RBFOX1: variants seen among roughly 807,000 people sequenced by gnomAD.
RBFOX1 encodes the protein RNA binding protein fox-1 homolog 1.
RBFOX1 carries 8 observed loss-of-function variants against 57.7 expected under a neutral mutation model. The observed-to-expected ratio is 0.14, with a 90% confidence interval of 0.08 to 0.25. The LOEUF is 0.25. RBFOX1 is among the 10% of genes least tolerant of loss of function. RBFOX1 has a pLI of 1.00. For synonymous variants in RBFOX1, 326 were observed against 222.4 expected, an observed-to-expected ratio of 1.47 and a Z score of -4.15; for missense variants, 611 against 548.5, an observed-to-expected ratio of 1.11 and a Z score of -1.14.
At chr16:6,771,616 C>G (rs896120610) in intron 3 of RBFOX1, among the ~76,000 whole-genome samples, 5 of 152,196 alleles carry the variant, frequency 3.3e-5, no homozygotes, top group Non-Finnish European at 5.9e-5. Context: ...CTCAGCAGTT[C>G]TCAACTGTGG....
chr16:6,665,175 T>G (rs1001805738), intron 3 of RBFOX1, among the ~76,000 whole-genome samples: 3 of 152,184 alleles, frequency 2.0e-5, no homozygotes, highest in African/African-American at 7.2e-5. Context: ...AAAAGGCGCT[T>G]CTTTTTCAGT....
intron 3 of RBFOX1, among the ~76,000 whole-genome samples, chr16:6,866,705 C>G (rs1257905907): frequency 6.6e-6 from 1 of 151,882 alleles, no homozygotes; most frequent in East Asian, 2.0e-4. Flanking sequence ...CCACGCCTGG[C>G]TGATTTTTTT....
At chr16:7,564,683 C>G (rs2091268956) in intron 5 of RBFOX1, among the ~76,000 whole-genome samples, 1 of 151,824 alleles carries the variant, frequency 6.6e-6, no homozygotes, top group Non-Finnish European at 1.5e-5. Flanking sequence ...GTTGTTTAAA[C>G]CACCCAGCCT....
At chr16:7,512,989 C>G (rs965121700) in intron 4 of RBFOX1, among the ~76,000 whole-genome samples, 1 of 152,148 alleles carries the variant, frequency 6.6e-6, no homozygotes, top group Non-Finnish European at 1.5e-5. Flanking sequence ...AGTGGACAGG[C>G]GCGGTGGCTC....
At chr16:6,424,904 C>A (rs534281077) in intron 2 of RBFOX1, among the ~76,000 whole-genome samples, 11 of 152,018 alleles carry the variant, frequency 7.2e-5, no homozygotes, top group Non-Finnish European at 5.9e-5. Context: ...GTTTTACTTT[C>A]GTTTTGAAAA....
At chr16:6,785,347 C>G (rs1337872948) in intron 3 of RBFOX1, among the ~76,000 whole-genome samples, 2 of 152,094 alleles carry the variant, frequency 1.3e-5, no homozygotes, top group Non-Finnish European at 2.9e-5. Context: ...AGCAAATTTC[C>G]CAGTTGCCCT....
At chr16:5,865,157 G>C (rs901243041) in intron 3 of RBFOX1, among the ~76,000 whole-genome samples, 3 of 152,202 alleles carry the variant, frequency 2.0e-5, no homozygotes, top group Non-Finnish European at 4.4e-5. Context: ...GTGAAGCAGA[G>C]AGGGTAGTTC....
intron 2 of RBFOX1, among the ~76,000 whole-genome samples, chr16:5,508,163 G>C (rs1043488443): frequency 6.6e-6 from 1 of 152,174 alleles, no homozygotes; most frequent in African/African-American, 2.4e-5. Context: ...GTGTGCTGGG[G>C]GTCTGGACGT....
chr16:7,192,152 A>G (rs112462516), intron 4 of RBFOX1, among the ~76,000 whole-genome samples: 5,029 of 152,340 alleles, frequency 0.033, 108 homozygotes, highest in Non-Finnish European at 0.042. Flanking sequence ...GGTAGGTAGT[A>G]GAAGGAATTC....
intron 1 of RBFOX1, among the ~76,000 whole-genome samples, chr16:6,283,077 A>C (rs1489416724): frequency 6.6e-6 from 1 of 152,196 alleles, no homozygotes; most frequent in African/African-American, 2.4e-5. Flanking sequence ...CTGTAATCCC[A>C]GCCCTTGGGG....
At chr16:7,614,340 T>TCTCTC (rs1423121147) in intron 10 of RBFOX1, 1 of 152,138 alleles carries the variant, frequency 6.6e-6, no homozygotes, top group East Asian at 1.9e-4. Flanking sequence ...TCACTTCGCT[T>TCTCTC]CTCTCCTCTC....
At chr16:6,556,768 G>T (rs986242265) in intron 2 of RBFOX1, among the ~76,000 whole-genome samples, 1 of 152,098 alleles carries the variant, frequency 6.6e-6, no homozygotes, top group Admixed American at 6.5e-5. Context: ...TAAATTAATA[G>T]TAAATTTCTT....
chr16:5,380,877 A>G (rs1056769521), intron 1 of RBFOX1, among the ~76,000 whole-genome samples: 2 of 152,240 alleles, frequency 1.3e-5, no homozygotes, highest in African/African-American at 4.8e-5. Context: ...CATGACTTGT[A>G]TAATAAGGTA....
chr16:5,450,769 C>G (rs977854465), intron 1 of RBFOX1, among the ~76,000 whole-genome samples: 3 of 152,154 alleles, frequency 2.0e-5, no homozygotes, highest in African/African-American at 7.2e-5. Context: ...TGCAGGCCCC[C>G]TTGTGACTTT....
intron 1 of RBFOX1, among the ~76,000 whole-genome samples, chr16:5,390,155 A>G (rs1241347173): frequency 6.6e-6 from 1 of 152,122 alleles, no homozygotes; most frequent in African/African-American, 2.4e-5. Context: ...AGGTTAGGAA[A>G]ATTTGCTCTT....
Position 7,133,774 on chromosome 16 carries a change from C to A in RBFOX1, c.27+81676C>A, listed in dbSNP as rs964045390. 7.2e-5 allele frequency among the ~76,000 whole-genome samples: 11 copies of A among 152,018 alleles called. No homozygotes were observed. In the East Asian group the frequency reaches 2.1e-3, roughly 29 times the overall value. Reference sequence around the variant, plus strand: ...ATCATTAAGAAAAATAATAATTGATCTGCCATGAAAAAAAAAGAATGACTG... The same window carrying A: ...ATCATTAAGAAAAATAATAATTGATATGCCATGAAAAAAAAAGAATGACTG... On this transcript the variant is annotated intron_variant, in intron 4 of 15. Transcript: ENST00000550418.
chr16:6,212,244 G>A (rs117887344), intron 1 of RBFOX1, among the ~76,000 whole-genome samples: 1,990 of 152,088 alleles, frequency 0.013, 25 homozygotes, highest in Middle Eastern at 0.034. Context: ...GGTGAAAAAA[G>A]TTGTATAATA....
At chr16:5,995,489 C>A (rs1596366567) in intron 4 of RBFOX1, among the ~76,000 whole-genome samples, 1 of 152,062 alleles carries the variant, frequency 6.6e-6, no homozygotes, top group African/African-American at 2.4e-5. Context: ...AAAAATAAAT[C>A]TTTTTAAGGA....
intron 2 of RBFOX1, among the ~76,000 whole-genome samples, chr16:6,651,048 G>A (rs1051938896): frequency 9.2e-5 from 14 of 152,206 alleles, no homozygotes; most frequent in African/African-American, 2.4e-4. Flanking sequence ...GATTACAGGC[G>A]TGCACCAACA....
Sources: gnomAD v4.1 joint callset for allele counts (sites outside exome capture counted in the v4.1 genomes callset) on GRCh38, gnomAD v4.1.1 for gene constraint, MANE v1.5 for transcripts, NCBI Gene and HGNC (gene_info 2026-07-23, HGNC 2026-07-21) for gene names.